ARG2: variants seen among roughly 807,000 people sequenced by gnomAD.
ARG2 encodes arginase 2, also known as arginase-2, mitochondrial.
A neutral mutation model predicts 39.4 loss-of-function variants in ARG2; 21 were observed. The ratio of observed to expected loss-of-function variants is 0.53; its 90% CI spans 0.38 to 0.77. The LOEUF is 0.77. ARG2 is among the 30% of genes least tolerant of loss of function. The pLI, the probability that ARG2 is intolerant of heterozygous loss-of-function variation, is 0.00. For synonymous variants in ARG2, 150 were observed against 156.7 expected (o/e 0.96, Z 0.32); for missense variants, 378 against 426.2 (o/e 0.89, Z 1.00).
At chr14:67,650,367 G>A (rs118014660) in intron 7 of ARG2, 51 of 301,020 alleles carry the variant, frequency 1.7e-4, no homozygotes, top group African/African-American at 1.1e-3. Context: ...CATACTGGAG[G>A]TGGCATACAT....
intron 3 of ARG2, among the ~76,000 whole-genome samples, chr14:67,644,058 T>TG (rs567932377): frequency 6.4e-4 from 98 of 152,182 alleles, no homozygotes; most frequent in Non-Finnish European, 1.0e-3. Flanking sequence ...TGGGGACCAC[T>TG]GATCAATGTG....
At chr14:67,625,572 C>T (rs1228914189) in intron 2 of ARG2, among the ~76,000 whole-genome samples, 2 of 148,216 alleles carry the variant, frequency 1.3e-5, no homozygotes, top group South Asian at 2.2e-4. Flanking sequence ...CCCAACTACT[C>T]GGGAGGCTGA....
At chr14:67,643,215 T>C (rs1165158624) in intron 3 of ARG2, among the ~76,000 whole-genome samples, 1 of 152,250 alleles carries the variant, frequency 6.6e-6, no homozygotes, top group Non-Finnish European at 1.5e-5. Flanking sequence ...GTTCTGATAT[T>C]TTCTCAGCAG....
intron 2 of ARG2, among the ~76,000 whole-genome samples, chr14:67,622,151 T>C (rs1256140418): frequency 6.6e-6 from 1 of 152,204 alleles, no homozygotes; most frequent in Non-Finnish European, 1.5e-5. Flanking sequence ...TCTAAATGTT[T>C]CTAGACTCTG....
intron 4 of ARG2, among the ~76,000 whole-genome samples, chr14:67,646,105 G>C (rs1260204877): frequency 6.6e-6 from 1 of 152,180 alleles, no homozygotes; most frequent in African/African-American, 2.4e-5. Flanking sequence ...TGATCTAGAA[G>C]ACAAATAAAA....
intron 2 of ARG2, among the ~76,000 whole-genome samples, chr14:67,623,628 G>A (rs1230082308): frequency 7.7e-6 from 1 of 130,234 alleles, no homozygotes; most frequent in Non-Finnish European, 1.5e-5. Flanking sequence ...TGCAACCTCC[G>A]CCTCCCGGGT....
At chr14:67,644,268 A>T (rs1453584722) in intron 3 of ARG2, among the ~76,000 whole-genome samples, 1 of 152,228 alleles carries the variant, frequency 6.6e-6, no homozygotes, top group East Asian at 1.9e-4. Context: ...AACATATATT[A>T]CTACTTTAAT....
At chr14:67,639,388 A>G (rs572737898) in intron 2 of ARG2, among the ~76,000 whole-genome samples, 2 of 152,320 alleles carry the variant, frequency 1.3e-5, no homozygotes, top group African/African-American at 4.8e-5. Context: ...AACGTTAGTT[A>G]ATATTATTTA....
intron 5 of ARG2, 84 bp from the exon 6 acceptor site, chr14:67,646,837 A>G (rs1316439998): frequency 7.1e-7 from 1 of 1,406,382 alleles, no homozygotes; most frequent in African/African-American, 1.4e-5. Flanking sequence ...AGGTCACTAC[A>G]ACAAACCCAC....
intron 3 of ARG2, among the ~76,000 whole-genome samples, chr14:67,643,852 TAAAAAAAAAA>T (rs553614739): frequency 2.2e-4 from 18 of 81,216 alleles, no homozygotes; most frequent in East Asian, 8.3e-4. Context: ...TCCTTGGGAG[TAAAAAAAAAA>T]AAAAAAAAAA....
At chr14:67,626,019 T>G (rs1015461883) in intron 2 of ARG2, among the ~76,000 whole-genome samples, 5 of 152,082 alleles carry the variant, frequency 3.3e-5, no homozygotes, top group African/African-American at 1.2e-4. Context: ...TTTGGGAGGC[T>G]GAGGCGGGCA....
chr14:67,622,171 A>G (rs1215511555), intron 2 of ARG2, among the ~76,000 whole-genome samples: 1 of 152,196 alleles, frequency 6.6e-6, no homozygotes. Context: ...GTTCAAGGCC[A>G]TTTGCTCTGT....
chr14:67,636,575 A>G (rs1216325264), intron 2 of ARG2, among the ~76,000 whole-genome samples: 3 of 152,236 alleles, frequency 2.0e-5, no homozygotes, highest in African/African-American at 7.2e-5. Context: ...TGCTAAGGTC[A>G]GGTAAGGCTG....
At chr14:67,639,149 T>C (rs2037003911) in intron 2 of ARG2, among the ~76,000 whole-genome samples, 1 of 152,248 alleles carries the variant, frequency 6.6e-6, no homozygotes, top group African/African-American at 2.4e-5. Context: ...TACTGTAAGA[T>C]TGCCAAATTC....
chr14:67,621,249 T>A (rs756869252), intron 2 of ARG2, among the ~76,000 whole-genome samples: 60 of 152,234 alleles, frequency 3.9e-4, no homozygotes, highest in Non-Finnish European at 7.6e-4. Flanking sequence ...CAGCTTCAAC[T>A]GCACAGTCAA....
intron 2 of ARG2, among the ~76,000 whole-genome samples, chr14:67,625,696 A>AG (rs1333685395): frequency 6.7e-6 from 1 of 148,942 alleles, no homozygotes; most frequent in African/African-American, 2.4e-5. Context: ...AAAAAAAAAA[A>AG]AAAAGAAACT....
At chr14:67,642,786 A>ATT (rs1385103646) in intron 3 of ARG2, among the ~76,000 whole-genome samples, 6 of 95,774 alleles carry the variant, frequency 6.3e-5, no homozygotes, top group Non-Finnish European at 1.2e-4. Context: ...GCATGTTACT[A>ATT]CATTTTCTTT....
chr14:67,650,326 T>C (rs1362819219), intron 7 of ARG2: 1 of 248,822 alleles, frequency 4.0e-6, no homozygotes, highest in African/African-American at 2.3e-5. Flanking sequence ...ACTTGATTCA[T>C]TTCCAGGCAG....
intron 2 of ARG2, among the ~76,000 whole-genome samples, chr14:67,634,512 T>G (rs559473954): frequency 6.6e-6 from 1 of 151,032 alleles, no homozygotes; most frequent in South Asian, 2.1e-4. Context: ...GAAGATGGCT[T>G]GAGCCTGGGA....
Sources: gnomAD v4.1 joint callset for allele counts (sites outside exome capture counted in the v4.1 genomes callset) on GRCh38, gnomAD v4.1.1 for gene constraint, MANE v1.5 for transcripts, NCBI Gene and HGNC (gene_info 2026-07-23, HGNC 2026-07-21) for gene names.